Variants in CSMD3 observed in about 807,000 individuals in gnomAD.
CSMD3 encodes the protein CUB and sushi domain-containing protein 3.
A neutral mutation model predicts 435.2 loss-of-function variants in CSMD3; 177 were observed. That is an observed-to-expected ratio of 0.41 (90% CI 0.36 to 0.46). The LOEUF (loss-of-function observed/expected upper bound fraction) is 0.46. Among genes scored for constraint, CSMD3 ranks in the 20% least tolerant of loss-of-function variants. The pLI is 0.34. For missense variants in CSMD3, 4,265 were observed against 4,504.6 expected, an observed-to-expected ratio of 0.95 and a Z score of 1.52; for synonymous variants, 1,656 against 1,520.5, an observed-to-expected ratio of 1.09 and a Z score of -2.07.
At chr8:113,292,266 C>T (rs2093691631) in intron 2 of CSMD3, among the ~76,000 whole-genome samples, 1 of 151,550 alleles carries the variant, frequency 6.6e-6, no homozygotes, top group African/African-American at 2.4e-5. Context: ...TATTGAATTT[C>T]TGAAAGAGAG....
chr8:113,433,901 G>T (rs184384083), intron 1 of CSMD3, among the ~76,000 whole-genome samples: 1 of 152,118 alleles, frequency 6.6e-6, no homozygotes, highest in Non-Finnish European at 1.5e-5. Flanking sequence ...GGGTGCGGGG[G>T]AGGGGAGTTC....
chr8:112,239,031 C>T (rs1168668099), intron 66 of CSMD3, among the ~76,000 whole-genome samples: 2 of 152,056 alleles, frequency 1.3e-5, no homozygotes, highest in Admixed American at 6.6e-5. Flanking sequence ...ATAGCTGAGC[C>T]TTGGCCAATC....
intron 31 of CSMD3, among the ~76,000 whole-genome samples, chr8:112,486,228 A>G (rs1820120989): frequency 6.6e-6 from 1 of 151,974 alleles, no homozygotes; most frequent in Non-Finnish European, 1.5e-5. Context: ...AAAACATTAA[A>G]CCAATTAAAA....
chr8:113,395,519 T>G (rs1002975988), intron 1 of CSMD3, among the ~76,000 whole-genome samples: 5 of 148,556 alleles, frequency 3.4e-5, no homozygotes, highest in African/African-American at 1.2e-4. Context: ...TGAGGCAGGA[T>G]AATGGCGTGA....
intron 32 of CSMD3, among the ~76,000 whole-genome samples, chr8:112,414,784 T>G (rs1811728789): frequency 6.6e-6 from 1 of 152,184 alleles, no homozygotes; most frequent in Non-Finnish European, 1.5e-5. Context: ...TGAGGTTTTC[T>G]CAGATGGAGA....
intron 1 of CSMD3, among the ~76,000 whole-genome samples, chr8:113,320,599 AT>A (rs1449861922): frequency 6.6e-6 from 1 of 152,104 alleles, no homozygotes; most frequent in Non-Finnish European, 1.5e-5. Context: ...AAAATTACTC[AT>A]GACCTTTCCA....
intron 30 of CSMD3, among the ~76,000 whole-genome samples, chr8:112,494,109 G>A (rs1203778316): frequency 6.6e-6 from 1 of 152,020 alleles, no homozygotes; most frequent in Non-Finnish European, 1.5e-5. Context: ...GGAGTTTAAT[G>A]TACTTTAGCA....
intron 37 of CSMD3, 102 bp from the exon 38 acceptor site, chr8:112,380,558 T>A (rs1034113622): frequency 1.4e-6 from 1 of 703,656 alleles, no homozygotes; most frequent in African/African-American, 1.8e-5. Flanking sequence ...ACTAAAAATA[T>A]GCATTATTCA....
intron 12 of CSMD3, among the ~76,000 whole-genome samples, chr8:112,808,114 G>A (rs2079136403): frequency 6.6e-6 from 1 of 152,134 alleles, no homozygotes; most frequent in Admixed American, 6.5e-5. Flanking sequence ...ACATGTGGCA[G>A]TTTTCCCCAA....
intron 13 of CSMD3, among the ~76,000 whole-genome samples, chr8:112,755,835 A>T (rs1013114684): frequency 4.0e-5 from 6 of 149,200 alleles, no homozygotes; most frequent in Admixed American, 3.4e-4. Context: ...ATTAATATAT[A>T]CTTTGTTAAT....
At chr8:113,014,088 T>G (rs2086361595) in intron 6 of CSMD3, among the ~76,000 whole-genome samples, 2 of 152,086 alleles carry the variant, frequency 1.3e-5, no homozygotes, top group African/African-American at 4.8e-5. Flanking sequence ...GGGTCATCCA[T>G]TTTGTTGGTG....
intron 5 of CSMD3, among the ~76,000 whole-genome samples, chr8:113,094,435 T>C (rs1320514168): frequency 6.6e-6 from 1 of 152,166 alleles, no homozygotes; most frequent in Non-Finnish European, 1.5e-5. Context: ...CTCCTTCACT[T>C]TGCTTAAATG....
chr8:112,949,638 T>A (rs747024317), intron 8 of CSMD3, among the ~76,000 whole-genome samples: 5 of 152,082 alleles, frequency 3.3e-5, no homozygotes, highest in Non-Finnish European at 5.9e-5. Flanking sequence ...TTCAACCTAA[T>A]CACTTTGATG....
chr8:112,943,767 T>C (rs537985567), intron 9 of CSMD3, among the ~76,000 whole-genome samples: 1 of 151,744 alleles, frequency 6.6e-6, no homozygotes, highest in African/African-American at 2.4e-5. Context: ...AACAGATGAG[T>C]CTACAAATAC....
chr8:113,432,446 C>A (rs1586193549), intron 1 of CSMD3, among the ~76,000 whole-genome samples: 2 of 152,196 alleles, frequency 1.3e-5, no homozygotes, highest in Non-Finnish European at 2.9e-5. Flanking sequence ...CCTGTGTCAG[C>A]CCCTTAGCTG....
chr8:112,281,658 G>C (rs887492836), intron 58 of CSMD3, among the ~76,000 whole-genome samples: 5 of 152,038 alleles, frequency 3.3e-5, no homozygotes, highest in Non-Finnish European at 7.4e-5. Flanking sequence ...AAATCTTTTA[G>C]AGAAGGATTA....
chr8:112,661,715 A>G (rs2075384491), intron 17 of CSMD3, among the ~76,000 whole-genome samples: 1 of 152,150 alleles, frequency 6.6e-6, no homozygotes, highest in Admixed American at 6.6e-5. Context: ...AAAACTGAAT[A>G]AGAGAATAAA....
At chr8:113,245,753 T>C (rs2093269615) in intron 3 of CSMD3, among the ~76,000 whole-genome samples, 1 of 152,134 alleles carries the variant, frequency 6.6e-6, no homozygotes. Context: ...CTTGAGTTAC[T>C]GTCTAATGTC....
rs750171856 is a variant in CSMD3 at position 112,247,070 on chromosome 8, C to T, written c.10172G>A (p.Arg3391His). The change falls in exon 64 of 71, where the codon CGC becomes CAC. Residue 3391 changes from arginine (R) to histidine (H), a missense_variant. By Grantham distance (29) the Arg-to-His change is conservative. This residue lies in a region of CSMD3 where 3,255 missense variants were observed against 3,380.2 expected (regional missense o/e 0.96). Transcript: ENST00000297405. ...KGHLLQGSTT[R>H]TCLPDLTWSG... ...CCACGTAAGATCAGGGAGGCAGGTG[C>T]GTGTTGTAGACCCTTGGAGAAGGTG... is the stretch of plus-strand genomic sequence containing the variant. 3 of 1,613,694 alleles carry T rather than the reference C, an allele frequency of 1.9e-6. No individual in the cohort carries two copies. Among genetic ancestry groups the T allele is most frequent in the African/African-American group, 1.3e-5 (1 of 74,882 alleles).
Sources: gnomAD v4.1 joint callset for allele counts (sites outside exome capture counted in the v4.1 genomes callset) on GRCh38, gnomAD v4.1.1 for gene constraint, gnomAD v4.1.1 regional missense constraint, MANE v1.5 for transcripts, NCBI Gene and HGNC (gene_info 2026-07-23, HGNC 2026-07-21) for gene names.